Variants in ZNF76 observed in about 807,000 individuals in gnomAD.
ZNF76 encodes zinc finger protein 523.
In ZNF76, 66 loss-of-function variants were observed where a neutral mutation model predicts 66.9. The observed-to-expected ratio is 0.99, with a 90% CI of 0.81 to 1.21. The LOEUF (loss-of-function observed/expected upper bound fraction) is 1.21. ZNF76 is among the 50% of genes most tolerant of loss of function. The pLI, the probability that ZNF76 is intolerant of heterozygous loss-of-function variation, is 0.00. For synonymous variants in ZNF76, 275 were observed against 296.1 expected, an observed-to-expected ratio of 0.93 and a Z score of 0.73; for missense variants, 729 against 760.3, an observed-to-expected ratio of 0.96 and a Z score of 0.48.
At chr6:35,259,998 C>T (rs1356540555) in intron 1 of ZNF76, among the ~76,000 whole-genome samples, 157 bp downstream of exon 1, 2 of 151,852 alleles carry the variant, frequency 1.3e-5, no homozygotes, top group Non-Finnish European at 2.9e-5. Context: ...CCTCCCCCAC[C>T]CAGGGTCCCT....
intron 1 of ZNF76, among the ~76,000 whole-genome samples, chr6:35,265,992 G>A (rs1226548847): frequency 3.9e-5 from 6 of 152,130 alleles, no homozygotes; most frequent in Non-Finnish European, 2.9e-5. Flanking sequence ...TGGTTAGGAG[G>A]CTACTACAAT....
In ZNF76 at chr6:35,295,417, T is replaced by C. The variant is rs1361178898; in HGVS notation, c.*169T>C. The C allele has an allele frequency of 2.9e-6, 2 of 679,704 alleles. No individual in the cohort carries two copies. Among genetic ancestry groups the C allele is most frequent in the Non-Finnish European group, 5.3e-6 (2 of 374,286 alleles). 42.1% of individuals were successfully genotyped at this position (679,704 alleles called of 1,614,324 possible). A position where few individuals can be genotyped will look rare whatever the true frequency, so the allele number is the denominator to read the frequency against. On this transcript the variant is annotated 3_prime_UTR_variant, in exon 14 of 14. Coordinates refer to ENST00000373953, the MANE Select transcript of ZNF76 (RefSeq NM_003427.5). ...TAACTGAAGGGAATGGGGGCCCTGC[T>C]CAAGAAGGGGGCCAGGCAGCTGGAA...
chr6:35,260,897 A>G (rs1277304626), intron 1 of ZNF76, among the ~76,000 whole-genome samples: 1 of 152,156 alleles, frequency 6.6e-6, no homozygotes, highest in Non-Finnish European at 1.5e-5. Context: ...TTGCATCATG[A>G]ACCTTACTCC....
At chr6:35,290,125 C>A in intron 5 of ZNF76, 141 bp from the exon 6 acceptor site, 1 of 1,098,510 alleles carries the variant, frequency 9.1e-7, no homozygotes, top group Non-Finnish European at 1.3e-6. Context: ...GTTCCTTGTC[C>A]GTCTAGTTAT....
chr6:35,271,824 G>C (rs1216719116), intron 1 of ZNF76, among the ~76,000 whole-genome samples: 2 of 152,158 alleles, frequency 1.3e-5, no homozygotes, highest in Non-Finnish European at 2.9e-5. Flanking sequence ...CACAGTGGCT[G>C]ATGCCTATAA....
At chr6:35,260,725 C>T (rs1236083303) in intron 1 of ZNF76, among the ~76,000 whole-genome samples, 1 of 152,190 alleles carries the variant, frequency 6.6e-6, no homozygotes, top group Non-Finnish European at 1.5e-5. Flanking sequence ...ACCTCAGTTT[C>T]TCATCATGAC....
chr6:35,266,867 C>T (rs1786198346), intron 1 of ZNF76, among the ~76,000 whole-genome samples: 1 of 131,744 alleles, frequency 7.6e-6, no homozygotes, highest in African/African-American at 2.8e-5. Flanking sequence ...GTGGCGCCAT[C>T]TCGGCTCACT....
At chr6:35,272,797 C>T (rs1329082515) in intron 1 of ZNF76, among the ~76,000 whole-genome samples, 5 of 152,160 alleles carry the variant, frequency 3.3e-5, no homozygotes, top group African/African-American at 1.2e-4. Context: ...GCCACCATGC[C>T]TGGCAATTAT....
At chr6:35,266,797 C>T (rs376659679) in intron 1 of ZNF76, among the ~76,000 whole-genome samples, 11 of 93,280 alleles carry the variant, frequency 1.2e-4, no homozygotes, top group Admixed American at 3.3e-4. Flanking sequence ...TTGTCTATTT[C>T]TTTTTTTTTT....
chr6:35,292,952 G>A lies in ZNF76; in HGVS notation c.1237G>A (p.Glu413Lys), dbSNP rs1382168409. 6.2e-7 allele frequency: 1 copy of A among 1,614,110 alleles called. No homozygotes were observed. The highest frequency in any genetic ancestry group is 1.7e-5 in the Admixed American group (1 of 60,006). The change falls in exon 11 of 14, where the codon GAG becomes AAG. Residue 413 changes from glutamate (E) to lysine (K), a missense_variant. Glu to Lys is a moderately conservative substitution (Grantham distance 56). Coordinates refer to ENST00000373953, the MANE Select transcript of ZNF76 (RefSeq NM_003427.5). The surrounding 1 kb of genome is among the most constrained non-coding windows in gnomAD (Gnocchi z 4.7). ...AGCTTACCTTTCGGAGGTGAAGGAA[G>A]AGAGAGATGACATCCCAGCCCAGGT... The part of the protein sequence containing the change: ...RIAYLSEVKE[E>K]RDDIPAQVAM...
rs1790498143 is a variant in ZNF76 at position 35,292,224 on chromosome 6, T to A, written c.932-330T>A. 1 of 451,730 alleles carries A rather than the reference T, an allele frequency of 2.2e-6. No homozygotes were observed. Among genetic ancestry groups the A allele is most frequent in the Admixed American group, 3.5e-5 (1 of 28,978 alleles). The allele number at this position is 451,730 out of a possible 1,614,324, so 28.0% of individuals were successfully genotyped here. A position where few individuals can be genotyped will look rare whatever the true frequency, so the allele number is the denominator to read the frequency against. On this transcript the variant is annotated intron_variant, in intron 9 of 13. Transcript: ENST00000373953. This position sits in a 1 kb window ranked among gnomAD's most constrained non-coding sequence, Gnocchi z 4.7. ...TCACAACTGATACTTCAGTCATCCT[T>A]GCCTCTTGCCTCTGCTGTTCACCAT...
chr6:35,270,725 T>C (rs1786915303), intron 1 of ZNF76, among the ~76,000 whole-genome samples: 1 of 150,200 alleles, frequency 6.7e-6, no homozygotes, highest in Non-Finnish European at 1.5e-5. Context: ...GCCCAGCTAA[T>C]TTTTTGTATT....
chr6:35,286,245 A>T, intron 3 of ZNF76, 37 bp downstream of exon 3: 1 of 1,613,126 alleles, frequency 6.2e-7, no homozygotes, highest in East Asian at 2.2e-5. Flanking sequence ...TTGTCGAGGG[A>T]AGCCTGACAG....
intron 1 of ZNF76, among the ~76,000 whole-genome samples, chr6:35,277,028 A>C (rs1205515074): frequency 1.3e-5 from 2 of 149,610 alleles, no homozygotes; most frequent in African/African-American, 4.9e-5. Flanking sequence ...CGAACTCCTG[A>C]TCTCAAGTGA....
At chr6:35,281,983 C>T (rs1788836779) in intron 2 of ZNF76, among the ~76,000 whole-genome samples, 1 of 149,162 alleles carries the variant, frequency 6.7e-6, no homozygotes, top group Admixed American at 6.7e-5. Context: ...CAGAGAGGAA[C>T]ACCCAAGCAG....
rs769817759 is a variant in ZNF76 at position 35,290,641 on chromosome 6, G to A, written c.550G>A (p.Val184Met). The A allele has an allele frequency of 6.2e-7, 1 of 1,614,106 alleles. No individual in the cohort carries two copies. Among genetic ancestry groups the A allele is most frequent in the Non-Finnish European group, 8.5e-7 (1 of 1,179,974 alleles). The change falls in exon 7 of 14, where the codon GTG (valine) becomes ATG (methionine). Residue 184 changes from valine (V) to methionine (M), a missense_variant and splice_region_variant. Physicochemically the swap from Val to Met is conservative, Grantham distance 21 (BLOSUM62 1). Transcript: ENST00000373953. The part of the protein sequence containing the change: ...RLYTTAHHLK[V>M]HERAHTGDRP... ...ATTATGTGATTGCTTGTCCTCACAG[G>A]TGCATGAACGAGCTCATACAGGTGA...
chr6:35,292,452 C>T lies in ZNF76; in HGVS notation c.932-102C>T. 8.2e-7 allele frequency: 1 copy of T among 1,217,286 alleles called. No individual in the cohort carries two copies. The highest frequency in any genetic ancestry group is 1.2e-6 in the Non-Finnish European group (1 of 845,764). 75.4% of individuals were successfully genotyped at this position (1,217,286 alleles called of 1,614,324 possible). ...TCTCAGGTCTCAGTCCCTCTCCCTC[C>T]CTCTGGCTCTCCCTTCACCAACCCT... is the stretch of plus-strand genomic sequence containing the variant. On this transcript the variant is annotated intron_variant, in intron 9 of 13. Transcript: ENST00000373953. This position sits in a 1 kb window ranked among gnomAD's most constrained non-coding sequence, Gnocchi z 4.7.
At chr6:35,272,788 C>T (rs996259429) in intron 1 of ZNF76, among the ~76,000 whole-genome samples, 3 of 152,166 alleles carry the variant, frequency 2.0e-5, no homozygotes, top group Non-Finnish European at 4.4e-5. Flanking sequence ...CAGCCATGTG[C>T]CACCATGCCT....
Position 35,265,462 on chromosome 6 carries a change from A to G in ZNF76, c.-97+5621A>G, listed in dbSNP as rs569394671. ...GCAGAGGTTGCAGTGAGCTGAGATC[A>G]CGCTGCTGCACTCCAGCCTGGGCGA... On this transcript the variant is annotated intron_variant, in intron 1 of 13. Coordinates refer to ENST00000373953, the MANE Select transcript of ZNF76 (RefSeq NM_003427.5). 1.4e-3 allele frequency among the ~76,000 whole-genome samples: 216 copies of G among 151,316 alleles called. 2 individuals are homozygous for G. Among genetic ancestry groups the G allele is most frequent in the Middle Eastern group, 0.014 (4 of 292 alleles).
Sources: gnomAD v4.1 joint callset for allele counts (sites outside exome capture counted in the v4.1 genomes callset) on GRCh38, gnomAD v4.1.1 for gene constraint, Gnocchi (gnomAD v3.1) non-coding constraint, MANE v1.5 for transcripts, NCBI Gene and HGNC (gene_info 2026-07-23, HGNC 2026-07-21) for gene names.